ANKMY1: variants seen among roughly 807,000 people sequenced by gnomAD.
ANKMY1 encodes the protein ankyrin repeat and MYND domain containing 1, also known as ankyrin repeat and MYND domain-containing protein 1.
In ANKMY1, 98 loss-of-function variants were observed where a neutral mutation model predicts 102.0. The observed-to-expected ratio is 0.96, with a 90% CI of 0.82 to 1.14. ANKMY1 has a LOEUF of 1.14. Among genes scored for constraint, ANKMY1 ranks in the 50% most tolerant of loss-of-function variants. The pLI is 0.00. For missense variants in ANKMY1, 1,330 were observed against 1,347.6 expected (o/e 0.99, Z 0.20); for synonymous variants, 582 against 559.9 (o/e 1.04, Z -0.56).
Position 240,523,941 on chromosome 2 carries a change from C to A in ANKMY1, c.1776G>T (p.Pro592=), listed in dbSNP as rs36085481. ...TCCCTTTGTCGAAGCTGCTGGTGCACGGTGAGGGCGAGGCCATCTTCAGCA... is the reference window on the plus strand; with the variant it reads ...TCCCTTTGTCGAAGCTGCTGGTGCAAGGTGAGGGCGAGGCCATCTTCAGCA... ...HSLLKMASPS[P]CTSSFDKGTM... The change falls in exon 8 of 18, where the codon CCG becomes CCT. Residue 592 remains proline, a synonymous_variant. Transcript: ENST00000401804. The A allele has an allele frequency of 4.9e-3, 7,985 of 1,613,750 alleles. 33 individuals are homozygous for A. The highest frequency in any genetic ancestry group is 6.3e-3 in the Middle Eastern group (38 of 6,062).
chr2:240,508,771 A>C (rs1489968800), intron 12 of ANKMY1, among the ~76,000 whole-genome samples: 3 of 152,158 alleles, frequency 2.0e-5, no homozygotes, highest in Non-Finnish European at 2.9e-5. Flanking sequence ...TGAATGAATG[A>C]ATGAATGAAT....
intron 11 of ANKMY1, 22 bp downstream of exon 11, chr2:240,511,839 G>A (rs1203940113): frequency 1.5e-5 from 23 of 1,565,664 alleles, no homozygotes; most frequent in Middle Eastern, 2.2e-4. Flanking sequence ...CTGTGCCCCC[G>A]CCAGGCCCTG....
intron 11 of ANKMY1, among the ~76,000 whole-genome samples, chr2:240,510,330 C>A (rs1236600150): frequency 6.9e-6 from 1 of 145,190 alleles, no homozygotes; most frequent in East Asian, 2.0e-4. Context: ...CCTCCTCCCC[C>A]GTCCCTGCCC....
chr2:240,555,714 C>T (rs907344481), intron 2 of ANKMY1, among the ~76,000 whole-genome samples: 56 of 151,874 alleles, frequency 3.7e-4, no homozygotes, highest in African/African-American at 1.3e-3. Context: ...ACGGATGGGG[C>T]GTCTTAGACC....
chr2:240,497,262 A>G (rs2077389107), intron 15 of ANKMY1, among the ~76,000 whole-genome samples: 2 of 152,194 alleles, frequency 1.3e-5, no homozygotes, highest in Non-Finnish European at 2.9e-5. Flanking sequence ...GAAGCTGAGC[A>G]TAAGAATGGT....
chr2:240,526,188 T>G (rs746904605), intron 6 of ANKMY1, 41 bp downstream of exon 6: 31 of 1,611,802 alleles, frequency 1.9e-5, no homozygotes, highest in African/African-American at 2.7e-5. Flanking sequence ...CCCTCACAGC[T>G]AAGCTCCTGC....
At chr2:240,476,001 T>C (rs545355191), downstream of ANKMY1, among the ~76,000 whole-genome samples, 40 of 151,976 alleles carry the variant, frequency 2.6e-4, no homozygotes, top group Non-Finnish European at 5.0e-4. Context: ...GCAAAAACAA[T>C]CTTAAAATTT....
chr2:240,553,175 A>T (rs2091828339), intron 3 of ANKMY1, 118 bp from the exon 4 acceptor site: 1 of 1,240,590 alleles, frequency 8.1e-7, no homozygotes, highest in African/African-American at 1.5e-5. Context: ...GGGCTGTGGC[A>T]GAACTCAGGG....
chr2:240,526,480 A>C, intron 5 of ANKMY1, 35 bp from the exon 6 acceptor site: 1 of 1,613,150 alleles, frequency 6.2e-7, no homozygotes, highest in South Asian at 1.1e-5. Flanking sequence ...GTCCTAGACC[A>C]GGTTCTGCAC....
chr2:240,543,182 T>G (rs2089437111), intron 4 of ANKMY1, among the ~76,000 whole-genome samples: 1 of 151,560 alleles, frequency 6.6e-6, no homozygotes, highest in Admixed American at 6.6e-5. Context: ...ACCCCGTCTC[T>G]ACTAAAAATG....
chr2:240,477,325 TAATAAA>T (rs1160333018), downstream of ANKMY1, among the ~76,000 whole-genome samples: 1 of 152,010 alleles, frequency 6.6e-6, no homozygotes, highest in Non-Finnish European at 1.5e-5. Flanking sequence ...TCAAAAAAAA[TAATAAA>T]AATAAAGAAT....
chr2:240,533,355 T>C (rs181659053), intron 4 of ANKMY1, among the ~76,000 whole-genome samples: 34 of 152,296 alleles, frequency 2.2e-4, no homozygotes, highest in Middle Eastern at 3.4e-3. Flanking sequence ...TACTATGAGA[T>C]GTACATGGTC....
intron 15 of ANKMY1, among the ~76,000 whole-genome samples, chr2:240,496,758 G>A (rs1374097612): frequency 6.6e-6 from 1 of 152,160 alleles, no homozygotes; most frequent in Non-Finnish European, 1.5e-5. Context: ...ATAATTGCTG[G>A]CTGATTGTTC....
At chr2:240,560,682 G>T, upstream of ANKMY1, 1 of 1,514,564 alleles carries the variant, frequency 6.6e-7, no homozygotes, top group Non-Finnish European at 8.7e-7. Flanking sequence ...TTCGGCGGGC[G>T]CCATGGGACC....
chr2:240,557,246 C>T lies in ANKMY1; in HGVS notation c.90G>A (p.Glu30=). 1 of 1,594,542 alleles carries T rather than the reference C, an allele frequency of 6.3e-7. No homozygotes were observed. Among genetic ancestry groups the T allele is most frequent in the Non-Finnish European group, 8.5e-7 (1 of 1,169,852 alleles). Residue 30 remains glutamate, a synonymous_variant, in exon 2 of 18, where the codon GAG becomes GAA. Coordinates refer to ENST00000401804, the MANE Select transcript of ANKMY1 (RefSeq NM_001282771.3). ...RQRPLEGKGG[E]TPAAEEPGSL... Reference sequence around the variant, plus strand: ...ACCCCGGCTCCTCGGCAGCAGGGGTCTCGCCGCCCTTCCCCTCTAGCGGGC... The same window carrying T: ...ACCCCGGCTCCTCGGCAGCAGGGGTTTCGCCGCCCTTCCCCTCTAGCGGGC...
intron 15 of ANKMY1, among the ~76,000 whole-genome samples, chr2:240,484,825 A>G (rs1165517692): frequency 6.6e-6 from 1 of 152,236 alleles, no homozygotes. Flanking sequence ...TAATATCAAG[A>G]ATCTACAAAG....
At position 240,480,934 on chromosome 2, in the gene ANKMY1, T is replaced by G; in HGVS notation, c.3046+3A>C. 8 of 1,603,622 alleles carry G rather than the reference T, an allele frequency of 5.0e-6. No homozygotes were observed. The highest frequency in any genetic ancestry group is 6.8e-6 in the Non-Finnish European group (8 of 1,171,536). ...TTGCCTCCCAGCCTGAGGGCCGACC[T>G]ACCGATGGCCACCAGGTCCCCGCAG... On this transcript the variant is annotated splice_donor_region_variant and intron_variant, in intron 17 of 17. Coordinates refer to ENST00000401804, the MANE Select transcript of ANKMY1 (RefSeq NM_001282771.3).
chr2:240,539,097 C>G (rs907492019), intron 4 of ANKMY1, among the ~76,000 whole-genome samples: 6 of 152,212 alleles, frequency 3.9e-5, no homozygotes, highest in Non-Finnish European at 7.3e-5. Context: ...CTGCCTGAGG[C>G]AGCCAGTGGC....
chr2:240,500,813 G>A (rs1047325954), intron 13 of ANKMY1, among the ~76,000 whole-genome samples: 23 of 152,214 alleles, frequency 1.5e-4, no homozygotes, highest in Admixed American at 8.5e-4. Context: ...CCACGCCTCG[G>A]GGAGCCCTCC....
Sources: allele counts gnomAD v4.1 joint callset (sites outside exome capture counted in the v4.1 genomes callset), GRCh38; gene constraint gnomAD v4.1.1; transcripts MANE v1.5; gene names NCBI Gene and HGNC (gene_info 2026-07-23, HGNC 2026-07-21).